IQCM: variants seen among roughly 807,000 people sequenced by gnomAD.
The protein encoded by IQCM is IQ domain-containing protein M.
A neutral mutation model predicts 57.6 loss-of-function variants in IQCM; 45 were observed. The observed-to-expected ratio is 0.78, with a 90% CI of 0.62 to 1.00. IQCM has a LOEUF of 1.00. Among genes scored for constraint, IQCM ranks in the 50% least tolerant of loss-of-function variants. The pLI is 0.00. For synonymous variants in IQCM, 148 were observed against 158.9 expected (o/e 0.93, Z 0.51); for missense variants, 468 against 511.6 (o/e 0.91, Z 0.82).
chr4:149,634,888 A>G (rs1462878325), intron 7 of IQCM, among the ~76,000 whole-genome samples: 1 of 152,200 alleles, frequency 6.6e-6, no homozygotes, highest in Non-Finnish European at 1.5e-5. Flanking sequence ...GCCTCATCTA[A>G]TCCAAGCTGA....
At position 149,457,766 on chromosome 4, in the gene IQCM, T is replaced by A. The variant is rs188880712; in HGVS notation, c.1229-24209A>T. 2.1e-3 allele frequency among the ~76,000 whole-genome samples: 324 copies of A among 152,204 alleles called. 4 individuals are homozygous for A. The highest frequency in any genetic ancestry group is 7.5e-3 in the African/African-American group (311 of 41,570). On this transcript the variant is annotated intron_variant, in intron 12 of 13. Transcript: ENST00000636793. ...TTACAAATAGATTTTAGAATTCTAC[T>A]GTTTTCTGTAACTGTAACATTTTCT...
At chr4:149,379,736 G>A (rs980227073) in intron 13 of IQCM, among the ~76,000 whole-genome samples, 2 of 152,172 alleles carry the variant, frequency 1.3e-5, no homozygotes, top group Admixed American at 1.3e-4. Flanking sequence ...ATACTGAAAT[G>A]AGTTAAGACT....
intron 7 of IQCM, among the ~76,000 whole-genome samples, chr4:149,660,424 C>T (rs1356399330): frequency 1.3e-5 from 2 of 151,488 alleles, no homozygotes; most frequent in East Asian, 1.9e-4. Context: ...GTCAGTGTGG[C>T]GATTCCTCAG....
chr4:149,735,267 C>A, intron 4 of IQCM, 109 bp downstream of exon 4: 1 of 479,548 alleles, frequency 2.1e-6, no homozygotes, highest in South Asian at 1.1e-4. Context: ...ATTCTATTCT[C>A]TTTTCTATTT....
chr4:149,706,735 T>G (rs1764188339), intron 5 of IQCM, among the ~76,000 whole-genome samples: 1 of 151,978 alleles, frequency 6.6e-6, no homozygotes, highest in Non-Finnish European at 1.5e-5. Flanking sequence ...GAATGCTGAA[T>G]TTTAGATATT....
chr4:149,447,452 C>T (rs936636639), intron 12 of IQCM, among the ~76,000 whole-genome samples: 2 of 151,486 alleles, frequency 1.3e-5, no homozygotes, highest in Non-Finnish European at 3.0e-5. Flanking sequence ...GAAGTAGAAA[C>T]ATGAATGACT....
intron 7 of IQCM, among the ~76,000 whole-genome samples, chr4:149,679,588 T>G (rs1245765936): frequency 6.6e-6 from 1 of 151,494 alleles, no homozygotes; most frequent in African/African-American, 2.4e-5. Context: ...GATTTGATCT[T>G]TACAAATTAC....
chr4:149,696,090 C>T (rs966001978), intron 5 of IQCM, among the ~76,000 whole-genome samples: 1 of 152,126 alleles, frequency 6.6e-6, no homozygotes, highest in African/African-American at 2.4e-5. Context: ...AATGTTTAGA[C>T]TGGTTGTCTG....
intron 13 of IQCM, among the ~76,000 whole-genome samples, chr4:149,403,754 C>T (rs1000897468): frequency 4.0e-5 from 6 of 151,740 alleles, no homozygotes; most frequent in South Asian, 2.1e-4. Context: ...AAACTGAGTG[C>T]GTAAGACATC....
chr4:149,547,830 G>C (rs1252876501), intron 12 of IQCM, among the ~76,000 whole-genome samples: 2 of 152,038 alleles, frequency 1.3e-5, no homozygotes, highest in Non-Finnish European at 2.9e-5. Context: ...AAAAAAGAAA[G>C]AAAAGCTGAA....
At chr4:149,690,110 A>G (rs1169986164) in intron 5 of IQCM, among the ~76,000 whole-genome samples, 1 of 152,168 alleles carries the variant, frequency 6.6e-6, no homozygotes, top group African/African-American at 2.4e-5. Flanking sequence ...ATACTTGCAC[A>G]TGCATGTTTA....
At chr4:149,774,311 G>A (rs1470378591) in intron 2 of IQCM, among the ~76,000 whole-genome samples, 1 of 152,114 alleles carries the variant, frequency 6.6e-6, no homozygotes, top group African/African-American at 2.4e-5. Flanking sequence ...ATATCCAGAA[G>A]TTCTTTTTCT....
At chr4:149,579,849 G>A (rs908252418) in intron 9 of IQCM, among the ~76,000 whole-genome samples, 1 of 151,770 alleles carries the variant, frequency 6.6e-6, no homozygotes, top group Non-Finnish European at 1.5e-5. Flanking sequence ...CCTATCCCAA[G>A]ATCATGACAC....
At chr4:149,459,544 A>G (rs191696269) in intron 12 of IQCM, among the ~76,000 whole-genome samples, 126 of 152,290 alleles carry the variant, frequency 8.3e-4, no homozygotes, top group South Asian at 6.2e-3. Flanking sequence ...ACCACCATCT[A>G]TCTCCAGAAT....
intron 12 of IQCM, among the ~76,000 whole-genome samples, chr4:149,533,532 C>T (rs774945924): frequency 5.3e-5 from 8 of 151,982 alleles, no homozygotes; most frequent in African/African-American, 7.2e-5. Context: ...AAGACATACC[C>T]GAGACTGGGT....
At chr4:149,506,768 GA>G (rs952427144) in intron 12 of IQCM, among the ~76,000 whole-genome samples, 1 of 152,116 alleles carries the variant, frequency 6.6e-6, no homozygotes, top group Non-Finnish European at 1.5e-5. Context: ...GAGGAACCAA[GA>G]AAAAATTCCC....
At chr4:149,799,153 T>A (rs1773381404) in intron 2 of IQCM, among the ~76,000 whole-genome samples, 1 of 151,020 alleles carries the variant, frequency 6.6e-6, no homozygotes, top group Non-Finnish European at 1.5e-5. Context: ...ATCTTCTCTA[T>A]CCACAATGGA....
chr4:149,387,839 C>T (rs1342262007), intron 13 of IQCM, among the ~76,000 whole-genome samples: 2 of 151,942 alleles, frequency 1.3e-5, no homozygotes, highest in Non-Finnish European at 2.9e-5. Flanking sequence ...ACAGTCACCC[C>T]CTACTACCTC....
intron 2 of IQCM, among the ~76,000 whole-genome samples, chr4:149,792,364 C>G (rs1033446866): frequency 6.6e-6 from 1 of 151,850 alleles, no homozygotes; most frequent in Non-Finnish European, 1.5e-5. Flanking sequence ...ATATAACCAG[C>G]CTGGGCAACA....
Sources: allele counts gnomAD v4.1 joint callset (sites outside exome capture counted in the v4.1 genomes callset), GRCh38; gene constraint gnomAD v4.1.1; transcripts MANE v1.5; gene names NCBI Gene and HGNC (gene_info 2026-07-23, HGNC 2026-07-21).